The following IKBKB-DT variants were observed in gnomAD, a reference collection of about 807,000 sequenced individuals.
The protein encoded by IKBKB-DT is IKBKB divergent transcript.
intron 3 of IKBKB-DT, among the ~76,000 whole-genome samples, chr8:42,238,015 G>T (rs1806946511): frequency 9.7e-6 from 1 of 102,870 alleles, no homozygotes; most frequent in East Asian, 2.8e-4. Flanking sequence ...ACAGAGCAAG[G>T]CCCTCTCTCA....
rs115166980 is a variant in IKBKB-DT at position 42,252,345 on chromosome 8, C to T, written n.1529+10984G>A. ...ATGACCCACTCAGGAGTCCCTCTCT[C>T]TCTGTAGGAGAGACAGCTATTCTCT... On this transcript the variant is annotated intron_variant and non_coding_transcript_variant, in intron 3 of 3. Transcript: ENST00000518213. 8.6e-3 allele frequency among the ~76,000 whole-genome samples: 1,310 copies of T among 152,312 alleles called. 23 individuals are homozygous for T. The highest frequency in any genetic ancestry group is 0.029 in the African/African-American group (1,213 of 41,554).
At chr8:42,251,804 A>G (rs57963345) in intron 3 of IKBKB-DT, among the ~76,000 whole-genome samples, 3,869 of 148,438 alleles carry the variant, frequency 0.026, 155 homozygotes, top group African/African-American at 0.088. Context: ...ACTCCAGCCT[A>G]GGCAATAGAG....
At chr8:42,249,012 G>C (rs1005605795) in intron 3 of IKBKB-DT, 17 of 152,272 alleles carry the variant, frequency 1.1e-4, no homozygotes, top group African/African-American at 4.1e-4. Flanking sequence ...CATTTGAAAA[G>C]GGATTCACTT....
At chr8:42,266,460 A>G (rs1179005999) in intron 1 of IKBKB-DT, 2 of 152,286 alleles carry the variant, frequency 1.3e-5, no homozygotes, top group African/African-American at 4.8e-5. Flanking sequence ...GTAAGAAGAC[A>G]GTTATCTTTG....
chr8:42,244,931 AG>A (rs923987102), intron 3 of IKBKB-DT, among the ~76,000 whole-genome samples: 6 of 152,152 alleles, frequency 3.9e-5, no homozygotes, highest in South Asian at 4.1e-4. Context: ...TTACTTTCCA[AG>A]GGCTTTTGGG....
At chr8:42,237,454 G>T (rs1585458565) in intron 3 of IKBKB-DT, among the ~76,000 whole-genome samples, 1 of 152,232 alleles carries the variant, frequency 6.6e-6, no homozygotes, top group South Asian at 2.1e-4. Flanking sequence ...AAAGGGAGGG[G>T]TATAATGGGG....
In IKBKB-DT at chr8:42,270,608, G is replaced by GT. The variant is rs1316294901; in HGVS notation, n.603+42dup. ...TTATCATCTTCAGGTTCCTTTGGTA[G>GT]TTTTTTTCTGCTTGAATAAAATATA... On this transcript the variant is annotated intron_variant and non_coding_transcript_variant, in intron 1 of 3. Transcript: ENST00000518213. The GT allele has an allele frequency of 2.0e-5, 3 of 152,284 alleles. No individual in the cohort carries two copies. In the South Asian group the frequency reaches 6.2e-4, roughly 31 times the overall value. 9.4% of individuals were successfully genotyped at this position (152,284 alleles called of 1,614,324 possible).
intron 3 of IKBKB-DT, among the ~76,000 whole-genome samples, chr8:42,255,962 G>A (rs934381985): frequency 2.0e-5 from 3 of 151,152 alleles, no homozygotes; most frequent in African/African-American, 7.3e-5. Flanking sequence ...GGAGGTGGAG[G>A]TTGCAGTGAG....
rs907052050 is a variant in IKBKB-DT, at chr8:42,268,185, A to G, written n.604-1789T>C. ...GTTTTGCTCTTGTCGCCCAGGCTGG[A>G]GTGCAATGGCACGATCTCGGCTCAC... On this transcript the variant is annotated intron_variant and non_coding_transcript_variant, in intron 1 of 3. Coordinates refer to ENST00000518213, the Ensembl canonical transcript of IKBKB-DT. Among the ~76,000 whole-genome samples the G allele has an allele frequency of 8.5e-5, 12 of 141,080 alleles. No individual in the cohort carries two copies. In the South Asian group the frequency reaches 1.8e-3, roughly 21 times the overall value. The allele number at this position is 141,080 out of a possible 152,430, so 92.6% of individuals were successfully genotyped here.
chr8:42,242,726 C>T (rs1167760590), intron 3 of IKBKB-DT, among the ~76,000 whole-genome samples: 1 of 152,214 alleles, frequency 6.6e-6, no homozygotes, highest in African/African-American at 2.4e-5. Flanking sequence ...GCCAAGTGTC[C>T]CCTCATGCAT....
At chr8:42,246,680 GA>G (rs1172055297) in intron 3 of IKBKB-DT, among the ~76,000 whole-genome samples, 6 of 152,292 alleles carry the variant, frequency 3.9e-5, no homozygotes, top group African/African-American at 7.2e-5. Flanking sequence ...AGGGTTAGGA[GA>G]AAACAGCTTC....
At chr8:42,250,071 T>TTTTGTTTG (rs141435991) in intron 3 of IKBKB-DT, among the ~76,000 whole-genome samples, 2 of 152,048 alleles carry the variant, frequency 1.3e-5, no homozygotes, top group Admixed American at 1.3e-4. Flanking sequence ...AACTAGAGGT[T>TTTTGTTTG]TTTGTTTGTT....
At chr8:42,244,521 GATT>G (rs1807039152) in intron 3 of IKBKB-DT, among the ~76,000 whole-genome samples, 1 of 152,058 alleles carries the variant, frequency 6.6e-6, no homozygotes, top group Non-Finnish European at 1.5e-5. Flanking sequence ...TTCCTGTGCT[GATT>G]AATAATAATT....
intron 3 of IKBKB-DT, among the ~76,000 whole-genome samples, chr8:42,240,986 G>A (rs1456124717): frequency 1.3e-5 from 2 of 152,006 alleles, no homozygotes; most frequent in Non-Finnish European, 2.9e-5. Context: ...AAAAAAAAAT[G>A]TGGTACATTT....
chr8:42,264,793 A>G (rs1356472733), intron 2 of IKBKB-DT, among the ~76,000 whole-genome samples: 1 of 151,682 alleles, frequency 6.6e-6, no homozygotes, highest in Non-Finnish European at 1.5e-5. Flanking sequence ...TCCTGGCCTC[A>G]GGTGATCCAC....
chr8:42,258,813 C>T (rs114243680), intron 3 of IKBKB-DT, among the ~76,000 whole-genome samples: 3,059 of 152,038 alleles, frequency 0.02, 103 homozygotes, highest in African/African-American at 0.07. Context: ...ATTTTCCTTG[C>T]ATACAAGTTT....
At chr8:42,258,616 C>T (rs1224327877) in intron 3 of IKBKB-DT, among the ~76,000 whole-genome samples, 1 of 151,710 alleles carries the variant, frequency 6.6e-6, no homozygotes, top group Admixed American at 6.6e-5. Flanking sequence ...CTACAGGCGC[C>T]CACCATCATG....
chr8:42,244,205 G>T lies in IKBKB-DT; in HGVS notation n.1530-10346C>A, dbSNP rs542291893. Among the ~76,000 whole-genome samples, 8 of 152,332 alleles carry T rather than the reference G, an allele frequency of 5.3e-5. No homozygotes were observed. The East Asian group carries it at 1.5e-3, about 29-fold the overall frequency. On this transcript the variant is annotated intron_variant and non_coding_transcript_variant, in intron 3 of 3. Transcript: ENST00000518213. ...TGAGGAAACCCAGGCCCATGTGTTT[G>T]TCACATGGATCAGGTAATTTTATTT...
chr8:42,241,069 A>C (rs1585460162), intron 3 of IKBKB-DT, among the ~76,000 whole-genome samples: 1 of 152,166 alleles, frequency 6.6e-6, no homozygotes, highest in African/African-American at 2.4e-5. Flanking sequence ...CTAGGAAAAC[A>C]GATATTACAT....
Sources: gnomAD v4.1 joint callset for allele counts (sites outside exome capture counted in the v4.1 genomes callset) on GRCh38, gnomAD v4.1.1 for gene constraint, MANE v1.5 for transcripts, NCBI Gene and HGNC (gene_info 2026-07-23, HGNC 2026-07-21) for gene names.